Variants in ZNF407 observed in about 807,000 individuals in gnomAD.
The protein encoded by ZNF407 is zinc finger protein 407.
In ZNF407, 17 loss-of-function variants were observed where a neutral mutation model predicts 131.2. The ratio of observed to expected loss-of-function variants is 0.13; its 90% CI spans 0.09 to 0.19. ZNF407 has a LOEUF of 0.19. Ranked by LOEUF, ZNF407 falls within the 10% of genes least tolerant of loss-of-function variation. ZNF407 has a pLI of 1.00. For missense variants in ZNF407, 2,681 were observed against 2,830.6 expected (o/e 0.95, Z 1.20); for synonymous variants, 1,156 against 1,062.0 (o/e 1.09, Z -1.72).
chr18:74,732,350 C>T (rs1431087982), intron 3 of ZNF407, among the ~76,000 whole-genome samples: 1 of 152,156 alleles, frequency 6.6e-6, no homozygotes, highest in Non-Finnish European at 1.5e-5. Context: ...CCCTTCCTGC[C>T]TTTGGACTTG....
intron 8 of ZNF407, among the ~76,000 whole-genome samples, chr18:74,958,645 C>T (rs537806607): frequency 1.3e-5 from 2 of 152,178 alleles, no homozygotes; most frequent in African/African-American, 2.4e-5. Context: ...GTGAGTAAGC[C>T]GGGGCTCTCA....
intron 3 of ZNF407, among the ~76,000 whole-genome samples, chr18:74,771,522 G>A (rs1278966034): frequency 7.1e-6 from 1 of 141,732 alleles, no homozygotes; most frequent in Non-Finnish European, 1.5e-5. Context: ...CATCTTATAT[G>A]TTATAAAAAT....
chr18:75,015,010 A>C (rs1489803522), intron 8 of ZNF407, among the ~76,000 whole-genome samples: 1 of 152,120 alleles, frequency 6.6e-6, no homozygotes. Flanking sequence ...GTTTCAATTG[A>C]AACAGTAGAT....
intron 3 of ZNF407, among the ~76,000 whole-genome samples, chr18:74,668,214 A>T (rs1209917916): frequency 6.6e-6 from 1 of 152,120 alleles, no homozygotes; most frequent in Non-Finnish European, 1.5e-5. Flanking sequence ...TTCGTGCCCA[A>T]ATTTACTTTG....
intron 1 of ZNF407, among the ~76,000 whole-genome samples, chr18:74,630,112 A>G (rs1053499596): frequency 6.6e-6 from 1 of 151,794 alleles, no homozygotes; most frequent in Non-Finnish European, 1.5e-5. Context: ...GAATATATTT[A>G]GAAAAATCAT....
intron 8 of ZNF407, among the ~76,000 whole-genome samples, chr18:74,926,539 C>T (rs1345978322): frequency 1.3e-5 from 2 of 152,166 alleles, no homozygotes; most frequent in Non-Finnish European, 2.9e-5. Context: ...CGTGGTGGCT[C>T]ACGCCTGTAA....
intron 8 of ZNF407, among the ~76,000 whole-genome samples, chr18:74,944,877 C>A (rs1380306132): frequency 6.6e-6 from 1 of 152,192 alleles, no homozygotes; most frequent in Admixed American, 6.5e-5. Flanking sequence ...AACCTCAGGG[C>A]CCAGAATCAT....
chr18:74,639,877 A>AT lies in ZNF407; in HGVS notation c.4688-1120dup, dbSNP rs1051373947. The stretch of plus-strand genomic sequence containing the variant: ...AATTTCAACAAAGTATTCTTGGAGG[A>AT]TTTTTTTTTTTACAAGGACACTGCA... On this transcript the variant is annotated intron_variant, in intron 2 of 8. Coordinates refer to ENST00000299687, the MANE Select transcript of ZNF407 (RefSeq NM_017757.3). Among the ~76,000 whole-genome samples the AT allele has an allele frequency of 6.8e-3, 1,000 of 147,400 alleles. 11 individuals carry two copies. The highest frequency in any genetic ancestry group is 0.023 in the African/African-American group (918 of 40,484).
chr18:74,796,526 G>A (rs897616318), intron 4 of ZNF407, among the ~76,000 whole-genome samples: 4 of 152,286 alleles, frequency 2.6e-5, no homozygotes, highest in African/African-American at 9.6e-5. Flanking sequence ...GTCGAAGGAC[G>A]CAAAATGGTG....
chr18:74,861,984 A>G (rs1489278510), intron 4 of ZNF407, among the ~76,000 whole-genome samples: 1 of 152,230 alleles, frequency 6.6e-6, no homozygotes, highest in Non-Finnish European at 1.5e-5. Flanking sequence ...TAGTGAGAAT[A>G]GAATATCTTT....
chr18:75,015,558 T>C (rs866448622), intron 8 of ZNF407, among the ~76,000 whole-genome samples: 3 of 145,490 alleles, frequency 2.1e-5, no homozygotes, highest in Non-Finnish European at 4.5e-5. Flanking sequence ...ATAAAACATA[T>C]AAACATTATA....
chr18:74,986,018 T>C (rs1972648482), intron 8 of ZNF407, among the ~76,000 whole-genome samples: 1 of 152,220 alleles, frequency 6.6e-6, no homozygotes, highest in Admixed American at 6.5e-5. Context: ...GGATGGAATA[T>C]GAAAGCAGTG....
rs1599027055 is a variant in ZNF407 at position 74,632,449 on chromosome 18, T to C, written c.1430T>C (p.Leu477Pro). 2 of 1,614,036 alleles carry C rather than the reference T, an allele frequency of 1.2e-6. No individual in the cohort carries two copies. The highest frequency in any genetic ancestry group is 2.2e-5 in the East Asian group (1 of 44,888). ...QMKTHDAESV[L>P]KHLEACSSVQ... ...AAAACACACGATGCAGAATCAGTGC[T>C]GAAACACCTGGAAGCGTGCAGCAGT... The change falls in exon 2 of 9, where the codon CTG (leucine) becomes CCG (proline). Residue 477 changes from leucine to proline, a missense_variant. Coordinates refer to ENST00000299687, the MANE Select transcript of ZNF407 (RefSeq NM_017757.3).
rs533286525 is a variant in ZNF407, at chr18:74,980,252, A to G, written c.5428+59560A>G. Among the ~76,000 whole-genome samples the G allele has an allele frequency of 3.3e-3, 469 of 141,014 alleles. 3 individuals carry two copies. The highest frequency in any genetic ancestry group is 0.012 in the African/African-American group (424 of 34,992). 92.5% of individuals were successfully genotyped at this position (141,014 alleles called of 152,430 possible). A position where few individuals can be genotyped will look rare whatever the true frequency, so the allele number is the denominator to read the frequency against. On this transcript the variant is annotated intron_variant, in intron 8 of 8. Coordinates refer to ENST00000299687, the MANE Select transcript of ZNF407 (RefSeq NM_017757.3). ...TTGACATCTCTGTAACCCCTTCCCC[A>G]TGCTTTTTTTTTTTTTTTTCTTTAA...
intron 1 of ZNF407, among the ~76,000 whole-genome samples, chr18:74,623,472 A>G (rs1408944886): frequency 6.6e-6 from 1 of 152,214 alleles, no homozygotes; most frequent in Non-Finnish European, 1.5e-5. Context: ...AGAGATTGAA[A>G]TGAGTGAAAA....
chr18:74,701,563 C>T (rs1967496658), intron 3 of ZNF407, among the ~76,000 whole-genome samples: 1 of 152,114 alleles, frequency 6.6e-6, no homozygotes, highest in African/African-American at 2.4e-5. Context: ...CTCTTGCTTC[C>T]TTCTGGTAAT....
At chr18:75,001,373 T>C (rs1972843726) in intron 8 of ZNF407, among the ~76,000 whole-genome samples, 1 of 152,238 alleles carries the variant, frequency 6.6e-6, no homozygotes, top group Admixed American at 6.5e-5. Flanking sequence ...GCCAGAAAGT[T>C]ATATGATAAA....
At chr18:74,797,658 A>C (rs888863203) in intron 4 of ZNF407, among the ~76,000 whole-genome samples, 4 of 152,216 alleles carry the variant, frequency 2.6e-5, no homozygotes, top group Non-Finnish European at 5.9e-5. Flanking sequence ...ATTAATTGAC[A>C]GTAATTTTGA....
intron 8 of ZNF407, among the ~76,000 whole-genome samples, chr18:74,977,400 C>A (rs942662097): frequency 1.3e-5 from 2 of 152,206 alleles, no homozygotes; most frequent in African/African-American, 4.8e-5. Context: ...GGAACATCTC[C>A]TCAGAGAAGG....
Sources: gnomAD v4.1 joint callset for allele counts (sites outside exome capture counted in the v4.1 genomes callset) on GRCh38, gnomAD v4.1.1 for gene constraint, MANE v1.5 for transcripts, NCBI Gene and HGNC (gene_info 2026-07-23, HGNC 2026-07-21) for gene names.